SPIN1: variants seen among roughly 807,000 people sequenced by gnomAD.
SPIN1 encodes the protein spindlin-1.
Under a neutral mutation model 26.0 loss-of-function variants are expected in SPIN1, and 3 were observed. The observed-to-expected ratio is 0.12, with a 90% confidence interval of 0.05 to 0.30. SPIN1 has a LOEUF of 0.30. Ranked by LOEUF, SPIN1 falls within the 10% of genes least tolerant of loss-of-function variation. The pLI is 1.00. For missense variants in SPIN1, 126 were observed against 333.4 expected, an observed-to-expected ratio of 0.38 and a Z score of 4.84; for synonymous variants, 101 against 116.5, an observed-to-expected ratio of 0.87 and a Z score of 0.86.
chr9:88,391,519 A>G (rs1284050111), intron 1 of SPIN1: 1 of 152,444 alleles, frequency 6.6e-6, no homozygotes, highest in Non-Finnish European at 1.5e-5. Context: ...AGCCAAGAAC[A>G]TCTGTTGAGT....
intron 4 of SPIN1, 101 bp downstream of exon 4, chr9:88,462,850 C>G: frequency 7.8e-7 from 1 of 1,288,740 alleles, no homozygotes; most frequent in Non-Finnish European, 1.1e-6. Flanking sequence ...TTTATTGGAA[C>G]ACAAGCACCC....
At position 88,437,547 on chromosome 9, in the gene SPIN1, A is replaced by G. The variant is rs890940039; in HGVS notation, c.52+10956A>G. On this transcript the variant is annotated intron_variant, in intron 2 of 5. Transcript: ENST00000375859. ...AAACAACAAAATGAATGAAGCTGCT[A>G]TATATATCTGTGTGCAGATTTTTGT... Among the ~76,000 whole-genome samples the G allele has an allele frequency of 7.9e-5, 12 of 152,036 alleles. No individual in the cohort carries two copies. The South Asian group carries it at 1.9e-3, about 24-fold the overall frequency.
intron 1 of SPIN1, among the ~76,000 whole-genome samples, chr9:88,405,298 G>A (rs370698949): frequency 3.4e-5 from 5 of 149,150 alleles, no homozygotes; most frequent in Admixed American, 1.3e-4. Flanking sequence ...GCAGGATCTC[G>A]GCTCACTGCA....
chr9:88,447,592 T>C (rs2118125882), intron 2 of SPIN1, among the ~76,000 whole-genome samples: 1 of 152,332 alleles, frequency 6.6e-6, no homozygotes, highest in Non-Finnish European at 1.5e-5. Flanking sequence ...GGCGATGGAA[T>C]CTGAACAGCT....
intron 1 of SPIN1, among the ~76,000 whole-genome samples, chr9:88,413,876 C>G (rs1344534351): frequency 6.6e-6 from 1 of 152,174 alleles, no homozygotes; most frequent in Admixed American, 6.5e-5. Context: ...ACTGCCCTCA[C>G]TTTGGATACC....
intron 1 of SPIN1, among the ~76,000 whole-genome samples, chr9:88,413,155 C>T (rs949139105): frequency 1.3e-5 from 2 of 150,632 alleles, no homozygotes; most frequent in South Asian, 4.2e-4. Context: ...CAGCCTCTGC[C>T]TCCCAGGTTC....
chr9:88,401,959 CAG>C (rs1468963089), intron 1 of SPIN1, among the ~76,000 whole-genome samples: 2 of 152,142 alleles, frequency 1.3e-5, no homozygotes, highest in Non-Finnish European at 2.9e-5. Context: ...ATGATCAAGT[CAG>C]GGTACCTGGA....
chr9:88,441,721 A>C (rs1170389511), intron 2 of SPIN1, among the ~76,000 whole-genome samples: 1 of 151,410 alleles, frequency 6.6e-6, no homozygotes, highest in Non-Finnish European at 1.5e-5. Flanking sequence ...GCACCACCGC[A>C]GTCCAGCCTG....
chr9:88,409,610 C>T (rs370342751), intron 1 of SPIN1, among the ~76,000 whole-genome samples: 7 of 151,412 alleles, frequency 4.6e-5, no homozygotes, highest in South Asian at 4.2e-4. Context: ...CCGAGGCGGG[C>T]GGATCACGAG....
chr9:88,415,070 A>AT (rs1478127264), intron 1 of SPIN1, among the ~76,000 whole-genome samples: 1 of 151,708 alleles, frequency 6.6e-6, no homozygotes, highest in Non-Finnish European at 1.5e-5. Context: ...CGCCTGGCTA[A>AT]TTTTTTTGTA....
intron 2 of SPIN1, among the ~76,000 whole-genome samples, chr9:88,442,159 A>G (rs546968507): frequency 6.6e-6 from 1 of 151,740 alleles, no homozygotes; most frequent in South Asian, 2.1e-4. Flanking sequence ...AACATTTCTT[A>G]CAAGGCAGGT....
At chr9:88,457,541 A>C (rs570399985) in intron 3 of SPIN1, among the ~76,000 whole-genome samples, 1 of 151,996 alleles carries the variant, frequency 6.6e-6, no homozygotes, top group Non-Finnish European at 1.5e-5. Flanking sequence ...AAATAATAAT[A>C]AATAAAATAA....
chr9:88,454,590 G>A (rs1443929720), intron 3 of SPIN1, among the ~76,000 whole-genome samples: 1 of 151,820 alleles, frequency 6.6e-6, no homozygotes, highest in African/African-American at 2.4e-5. Flanking sequence ...TTTTACTGTG[G>A]GAAATTTTAA....
chr9:88,417,565 C>T (rs952278985), intron 1 of SPIN1, among the ~76,000 whole-genome samples: 8 of 150,976 alleles, frequency 5.3e-5, no homozygotes, highest in East Asian at 2.0e-4. Flanking sequence ...CTCTGCCTCT[C>T]GGGTTCAAGC....
chr9:88,468,194 G>A (rs1188612183), intron 4 of SPIN1, among the ~76,000 whole-genome samples, 178 bp from the exon 5 acceptor site: 1 of 152,070 alleles, frequency 6.6e-6, no homozygotes, highest in Non-Finnish European at 1.5e-5. Flanking sequence ...CTCTGAGCTG[G>A]GGCCCAGTAG....
chr9:88,396,918 A>G (rs140367433), intron 1 of SPIN1, among the ~76,000 whole-genome samples: 2 of 152,162 alleles, frequency 1.3e-5, no homozygotes, highest in East Asian at 1.9e-4. Context: ...TTATCTAAAC[A>G]TATCTAAGGA....
Position 88,453,261 on chromosome 9 carries a change from CAT to C in SPIN1, c.101+4274_101+4275del, listed in dbSNP as rs1157752185. ...CTTCTTTGAAGTATTGAGAAGAGTACATAATGTTTCCTACAATCTCAGTTTAC... is the reference window on the plus strand; with the variant it reads ...CTTCTTTGAAGTATTGAGAAGAGTACAATGTTTCCTACAATCTCAGTTTAC... On this transcript the variant is annotated intron_variant, in intron 3 of 5. Coordinates refer to ENST00000375859, the MANE Select transcript of SPIN1 (RefSeq NM_006717.3). Among the ~76,000 whole-genome samples, 7 of 152,182 alleles carry C rather than the reference CAT, an allele frequency of 4.6e-5. No homozygotes were observed. The East Asian group carries it at 1.4e-3, about 29-fold the overall frequency.
At chr9:88,404,796 A>G (rs2117926198) in intron 1 of SPIN1, among the ~76,000 whole-genome samples, 1 of 151,930 alleles carries the variant, frequency 6.6e-6, no homozygotes, top group South Asian at 2.1e-4. Flanking sequence ...GGCGCCTGTA[A>G]TCCCAGCTAC....
chr9:88,465,172 T>G (rs1828640090), intron 4 of SPIN1, among the ~76,000 whole-genome samples: 1 of 152,246 alleles, frequency 6.6e-6, no homozygotes, highest in South Asian at 2.1e-4. Context: ...TTGGATTGCT[T>G]CTACCTCTTG....
Sources: allele counts gnomAD v4.1 joint callset (sites outside exome capture counted in the v4.1 genomes callset), GRCh38; gene constraint gnomAD v4.1.1; transcripts MANE v1.5; gene names NCBI Gene and HGNC (gene_info 2026-07-23, HGNC 2026-07-21).